Variants in EPHA6 observed in about 807,000 individuals in gnomAD.
EPHA6 encodes the protein ephrin type-A receptor 6.
EPHA6 carries 50 observed loss-of-function variants against 112.0 expected under a neutral mutation model. That is an observed-to-expected ratio of 0.45 (90% CI 0.36 to 0.56). The LOEUF (loss-of-function observed/expected upper bound fraction) is 0.56, where lower values mean the gene tolerates loss of function less well. Among genes scored for constraint, EPHA6 ranks in the 20% least tolerant of loss-of-function variants. EPHA6 has a pLI of 0.00. For missense variants in EPHA6, 1,280 were observed against 1,417.4 expected (o/e 0.90, Z 1.56); for synonymous variants, 529 against 490.7 (o/e 1.08, Z -1.03).
intron 14 of EPHA6, among the ~76,000 whole-genome samples, chr3:97,639,838 C>T (rs775223347): frequency 1.4e-4 from 22 of 152,006 alleles, no homozygotes; most frequent in Non-Finnish European, 1.5e-5. Flanking sequence ...AATTAGGTAA[C>T]CAGAATATTA....
chr3:97,139,686 C>G (rs1576556777), intron 3 of EPHA6, among the ~76,000 whole-genome samples: 1 of 152,100 alleles, frequency 6.6e-6, no homozygotes, highest in South Asian at 2.1e-4. Context: ...GGAAACAAAT[C>G]CCTCCCAAAC....
intron 3 of EPHA6, among the ~76,000 whole-genome samples, chr3:97,046,376 A>G (rs1227586898): frequency 6.6e-6 from 1 of 152,156 alleles, no homozygotes; most frequent in African/African-American, 2.4e-5. Flanking sequence ...ACACCTACCC[A>G]TGGTAAAAAC....
chr3:97,150,819 T>C (rs904337641), intron 3 of EPHA6, among the ~76,000 whole-genome samples: 1 of 152,140 alleles, frequency 6.6e-6, no homozygotes, highest in Non-Finnish European at 1.5e-5. Context: ...TTCTAATCTC[T>C]TTAATTCTTC....
At chr3:97,300,560 G>A (rs2081053595) in intron 5 of EPHA6, among the ~76,000 whole-genome samples, 1 of 152,124 alleles carries the variant, frequency 6.6e-6, no homozygotes, top group South Asian at 2.1e-4. Context: ...GGACATGTTT[G>A]TGATGATATG....
chr3:96,975,848 C>A (rs990987137), intron 2 of EPHA6, among the ~76,000 whole-genome samples: 1 of 152,130 alleles, frequency 6.6e-6, no homozygotes, highest in African/African-American at 2.4e-5. Flanking sequence ...GCAAGATTTT[C>A]TTCCCTGCAG....
chr3:97,272,336 A>G (rs1331006323), intron 5 of EPHA6, among the ~76,000 whole-genome samples: 1 of 151,662 alleles, frequency 6.6e-6, no homozygotes, highest in East Asian at 1.9e-4. Flanking sequence ...GTGTGTGTAC[A>G]TACATATGCA....
rs370698719 is a variant in EPHA6, at chr3:97,186,121, G to A, written c.1115-40143G>A. On this transcript the variant is annotated intron_variant, in intron 3 of 17. Coordinates refer to ENST00000389672, the MANE Select transcript of EPHA6 (RefSeq NM_001080448.3). ...AGATATACCTAATGTTAAATGACGCGTTACTGGGTGCAGCACACCAGCATG... is the reference window on the plus strand; with the variant it reads ...AGATATACCTAATGTTAAATGACGCATTACTGGGTGCAGCACACCAGCATG... 2.0e-4 allele frequency among the ~76,000 whole-genome samples: 31 copies of A among 151,828 alleles called. No individual in the cohort carries two copies. The South Asian group carries it at 2.1e-3, about 10-fold the overall frequency.
intron 2 of EPHA6, among the ~76,000 whole-genome samples, chr3:96,980,317 C>A (rs1439388585): frequency 6.6e-6 from 1 of 152,076 alleles, no homozygotes; most frequent in African/African-American, 2.4e-5. Context: ...GAATCCTTTC[C>A]CCATTTCTTG....
intron 6 of EPHA6, among the ~76,000 whole-genome samples, chr3:97,417,959 T>A (rs1348379158): frequency 6.6e-6 from 1 of 151,918 alleles, no homozygotes; most frequent in Non-Finnish European, 1.5e-5. Context: ...AAACAAAACA[T>A]GAGTGAATGA....
intron 3 of EPHA6, among the ~76,000 whole-genome samples, chr3:97,147,753 A>T (rs756143104): frequency 6.6e-6 from 1 of 152,110 alleles, no homozygotes; most frequent in African/African-American, 2.4e-5. Flanking sequence ...GTACACCCTA[A>T]GACTGTCAAG....
chr3:96,897,655 C>T (rs189106907), intron 2 of EPHA6, among the ~76,000 whole-genome samples: 1 of 152,092 alleles, frequency 6.6e-6, no homozygotes, highest in East Asian at 1.9e-4. Context: ...AACAGAAAGT[C>T]GAATGCAGCT....
At chr3:97,362,053 G>A (rs1466190778) in intron 5 of EPHA6, among the ~76,000 whole-genome samples, 1 of 152,078 alleles carries the variant, frequency 6.6e-6, no homozygotes, top group Non-Finnish European at 1.5e-5. Flanking sequence ...TACTAAATAA[G>A]TTTGACATCA....
intron 2 of EPHA6, among the ~76,000 whole-genome samples, chr3:96,881,349 G>A (rs769041853): frequency 5.9e-5 from 9 of 152,130 alleles, no homozygotes; most frequent in Non-Finnish European, 8.8e-5. Context: ...CATTCATGGT[G>A]GAAGATGAAA....
intron 3 of EPHA6, among the ~76,000 whole-genome samples, chr3:97,106,141 T>C (rs555114783): frequency 6.6e-6 from 1 of 152,226 alleles, no homozygotes; most frequent in African/African-American, 2.4e-5. Flanking sequence ...CTGCAATAGA[T>C]ATGGAAATGC....
intron 3 of EPHA6, among the ~76,000 whole-genome samples, chr3:97,076,984 G>A (rs921186782): frequency 6.6e-6 from 1 of 152,070 alleles, no homozygotes; most frequent in African/African-American, 2.4e-5. Context: ...CAAGAGTTCT[G>A]ATGGAGATGT....
intron 3 of EPHA6, among the ~76,000 whole-genome samples, chr3:97,074,479 G>C (rs749270896): frequency 6.6e-6 from 1 of 151,656 alleles, no homozygotes; most frequent in South Asian, 2.1e-4. Flanking sequence ...TTAAAATGGT[G>C]GTTTAATTAG....
chr3:97,034,790 A>G (rs2108030911), intron 3 of EPHA6, among the ~76,000 whole-genome samples: 1 of 152,076 alleles, frequency 6.6e-6, no homozygotes, highest in African/African-American at 2.4e-5. Flanking sequence ...TCCAGATTGA[A>G]TTGTTCATGG....
At chr3:97,441,846 G>A (rs145218005) in intron 6 of EPHA6, among the ~76,000 whole-genome samples, 3 of 151,712 alleles carry the variant, frequency 2.0e-5, no homozygotes, top group East Asian at 1.9e-4. Context: ...TAATTCTCTC[G>A]GAGTTTCTAA....
intron 3 of EPHA6, among the ~76,000 whole-genome samples, chr3:97,152,913 T>G (rs760017603): frequency 6.6e-6 from 1 of 152,142 alleles, no homozygotes; most frequent in African/African-American, 2.4e-5. Flanking sequence ...AAACATTATC[T>G]GCCTTGTATT....
Sources: gnomAD v4.1 joint callset for allele counts (sites outside exome capture counted in the v4.1 genomes callset) on GRCh38, gnomAD v4.1.1 for gene constraint, MANE v1.5 for transcripts, NCBI Gene and HGNC (gene_info 2026-07-23, HGNC 2026-07-21) for gene names.